The following STK3 variants were observed in gnomAD, a reference collection of about 807,000 sequenced individuals.
The protein encoded by STK3 is serine/threonine-protein kinase 3.
A neutral mutation model predicts 58.0 loss-of-function variants in STK3; 41 were observed. The observed-to-expected ratio is 0.71, with a 90% CI of 0.55 to 0.92. The LOEUF is 0.92. Among genes scored for constraint, STK3 ranks in the 40% least tolerant of loss-of-function variants. The pLI, the probability that STK3 is intolerant of heterozygous loss-of-function variation, is 0.00. For synonymous variants in STK3, 170 were observed against 191.0 expected (o/e 0.89, Z 0.91); for missense variants, 479 against 602.7 (o/e 0.79, Z 2.15).
intron 1 of STK3, chr8:98,779,010 C>A (rs560167186): frequency 2.0e-5 from 3 of 151,690 alleles, no homozygotes; most frequent in Non-Finnish European, 4.4e-5. Context: ...TGCACATGTA[C>A]CCTAAAACTT....
At chr8:98,702,407 T>A (rs1825692601) in intron 6 of STK3, among the ~76,000 whole-genome samples, 1 of 152,210 alleles carries the variant, frequency 6.6e-6, no homozygotes, top group Non-Finnish European at 1.5e-5. Flanking sequence ...AAGTTCTTCG[T>A]ATCCCTCAGA....
At chr8:98,743,624 T>G (rs1485556090) in intron 4 of STK3, among the ~76,000 whole-genome samples, 4 of 152,178 alleles carry the variant, frequency 2.6e-5, no homozygotes, top group Admixed American at 6.5e-5. Flanking sequence ...CCTAAAACCA[T>G]AACAACCCTA....
At chr8:98,780,172 TTA>T (rs754434026) in intron 1 of STK3, among the ~76,000 whole-genome samples, 38 of 151,628 alleles carry the variant, frequency 2.5e-4, no homozygotes, top group East Asian at 3.9e-4. Context: ...CCTATTATAA[TTA>T]TATGTTATAT....
chr8:98,548,725 C>G (rs962862990), intron 8 of STK3, among the ~76,000 whole-genome samples: 2 of 152,096 alleles, frequency 1.3e-5, no homozygotes, highest in African/African-American at 4.8e-5. Flanking sequence ...TTCATTCCCC[C>G]TTTCCCCAGC....
At chr8:98,679,173 G>T (rs1197116200) in intron 6 of STK3, among the ~76,000 whole-genome samples, 1 of 152,052 alleles carries the variant, frequency 6.6e-6, no homozygotes, top group African/African-American at 2.4e-5. Context: ...CCACCTTTCT[G>T]GCTCTAATGT....
intron 8 of STK3, among the ~76,000 whole-genome samples, chr8:98,566,278 A>C (rs1345902404): frequency 6.6e-6 from 1 of 152,214 alleles, no homozygotes; most frequent in Non-Finnish European, 1.5e-5. Context: ...CATATCTTGT[A>C]ATGGTTATCA....
intron 8 of STK3, among the ~76,000 whole-genome samples, chr8:98,562,113 A>C (rs1375888362): frequency 6.6e-6 from 1 of 152,210 alleles, no homozygotes; most frequent in Non-Finnish European, 1.5e-5. Flanking sequence ...GCAGTTTCTT[A>C]CTAAGCTGAA....
chr8:98,634,128 C>T (rs574546198), intron 6 of STK3, among the ~76,000 whole-genome samples: 1 of 152,210 alleles, frequency 6.6e-6, no homozygotes, highest in South Asian at 2.1e-4. Context: ...AAACTTGAAT[C>T]AGCACAGTGG....
chr8:98,750,468 A>AC (rs1270052894), intron 3 of STK3, among the ~76,000 whole-genome samples: 1 of 152,056 alleles, frequency 6.6e-6, no homozygotes, highest in African/African-American at 2.4e-5. Context: ...AAGCAAAAAA[A>AC]AAAAAAATTG....
intron 3 of STK3, among the ~76,000 whole-genome samples, chr8:98,764,977 A>T (rs1025384695): frequency 1.2e-4 from 19 of 152,222 alleles, no homozygotes; most frequent in African/African-American, 4.6e-4. Context: ...AGAACGCTCT[A>T]GCTTCAAGGA....
rs200556218 is a variant in STK3 at position 98,903,556 on chromosome 8, C to CTTCCTCTTCTTCTTCTT, written c.-78-19723_-78-19722insAAGAAGAAGAAGAGGAA. On this transcript the variant is annotated intron_variant, in intron 1 of 1. Coordinates refer to the STK3 transcript ENST00000519420. ...TCTTCTTCTTCTTCTTCTTCTTCTT[C>CTTCCTCTTCTTCTTCTT]CTTTTTTTTTTTTTAAGTGGGGCCT... 6.6e-3 allele frequency among the ~76,000 whole-genome samples: 331 copies of CTTCCTCTTCTTCTTCTT among 50,520 alleles called. 16 individuals carry two copies. Among genetic ancestry groups the CTTCCTCTTCTTCTTCTT allele is most frequent in the Admixed American group, 0.02 (77 of 3,892 alleles). 33.1% of individuals were successfully genotyped at this position (50,520 alleles called of 152,430 possible). A position where few individuals can be genotyped will look rare whatever the true frequency, so the allele number is the denominator to read the frequency against.
chr8:98,914,276 T>C (rs1039458320), intron 1 of STK3, among the ~76,000 whole-genome samples: 2 of 151,974 alleles, frequency 1.3e-5, no homozygotes, highest in African/African-American at 4.8e-5. Context: ...CAATACCTCA[T>C]CTCTACAAAA....
intron 1 of STK3, among the ~76,000 whole-genome samples, chr8:98,891,594 T>C (rs1838201160): frequency 6.6e-6 from 1 of 150,836 alleles, no homozygotes; most frequent in Admixed American, 6.7e-5. Flanking sequence ...GCAGACTTTA[T>C]CTTTAAATAA....
At chr8:98,543,894 A>G (rs1172598585) in intron 9 of STK3, among the ~76,000 whole-genome samples, 1 of 152,190 alleles carries the variant, frequency 6.6e-6, no homozygotes, top group Non-Finnish European at 1.5e-5. Flanking sequence ...TGCAGAGAAG[A>G]TGAACACTGA....
chr8:98,743,120 A>G (rs1308403395), intron 4 of STK3, among the ~76,000 whole-genome samples: 1 of 152,114 alleles, frequency 6.6e-6, no homozygotes, highest in African/African-American at 2.4e-5. Context: ...GCTCATGGGT[A>G]GGAAGAATCA....
Position 98,429,544 on chromosome 8 carries a change from G to A in STK3, n.483+4583C>T. ...CTGAGGGGAGAGATGCATGGGATAT[G>A]CACCCAGGTTTCTTTTACAGTTTTT... On this transcript the variant is annotated intron_variant and non_coding_transcript_variant, in intron 3 of 3. Coordinates refer to the STK3 transcript ENST00000517832. The A allele has an allele frequency of 1.4e-5, 9 of 650,878 alleles. No homozygotes were observed. In the South Asian group the frequency reaches 1.8e-4, roughly 13 times the overall value. 40.3% of individuals were successfully genotyped at this position (650,878 alleles called of 1,614,324 possible).
At chr8:98,468,181 C>A (rs1820630790) in intron 10 of STK3, among the ~76,000 whole-genome samples, 1 of 152,078 alleles carries the variant, frequency 6.6e-6, no homozygotes, top group South Asian at 2.1e-4. Context: ...CAATAAAACT[C>A]AAAATATGCC....
intron 6 of STK3, among the ~76,000 whole-genome samples, chr8:98,674,417 A>C (rs1424869926): frequency 6.6e-6 from 1 of 152,184 alleles, no homozygotes; most frequent in East Asian, 1.9e-4. Context: ...ATAATGGGAT[A>C]CAAAAATGGA....
intron 1 of STK3, among the ~76,000 whole-genome samples, chr8:98,784,968 C>T (rs1287584515): frequency 6.6e-6 from 1 of 151,856 alleles, no homozygotes; most frequent in African/African-American, 2.4e-5. Flanking sequence ...GCTTCACACT[C>T]AGACAGATCT....
Sources: gnomAD v4.1 joint callset for allele counts (sites outside exome capture counted in the v4.1 genomes callset) on GRCh38, gnomAD v4.1.1 for gene constraint, MANE v1.5 for transcripts, NCBI Gene and HGNC (gene_info 2026-07-23, HGNC 2026-07-21) for gene names.